The following ATP2B4 variants were observed in gnomAD, a reference collection of about 807,000 sequenced individuals.
ATP2B4 encodes ATPase plasma membrane Ca2+ transporting 4, also known as plasma membrane calcium-transporting ATPase 4.
Under a neutral mutation model 110.3 loss-of-function variants are expected in ATP2B4, and 39 were observed. That is an observed-to-expected ratio of 0.35 (90% CI 0.27 to 0.46). The LOEUF (loss-of-function observed/expected upper bound fraction) is 0.46, where lower values mean the gene tolerates loss of function less well. Among genes scored for constraint, ATP2B4 ranks in the 20% least tolerant of loss-of-function variants. The probability of loss-of-function intolerance (pLI) is 1.00; values close to 1 mark genes in which losing one functional copy is unlikely to be tolerated. For missense variants in ATP2B4, 1,135 were observed against 1,530.9 expected, an observed-to-expected ratio of 0.74 and a Z score of 4.32; for synonymous variants, 538 against 571.7, an observed-to-expected ratio of 0.94 and a Z score of 0.84.
chr1:203,682,313 T>C (rs1028082296), intron 1 of ATP2B4, among the ~76,000 whole-genome samples: 1 of 152,184 alleles, frequency 6.6e-6, no homozygotes, highest in African/African-American at 2.4e-5. Context: ...TCAGATCACT[T>C]AGATCTGAAC....
At chr1:203,669,642 G>T (rs4951337) in intron 1 of ATP2B4, among the ~76,000 whole-genome samples, 26,348 of 151,908 alleles carry the variant, frequency 0.17, 3,169 homozygotes, top group African/African-American at 0.32. Context: ...TCTCCATATT[G>T]GTCAGGCTGG....
chr1:203,724,865 C>CTCTTTTTTTT (rs1214526316), intron 19 of ATP2B4, among the ~76,000 whole-genome samples: 8 of 101,496 alleles, frequency 7.9e-5, no homozygotes, highest in South Asian at 3.5e-4. Flanking sequence ...ATCCAGCTCT[C>CTCTTTTTTTT]TGTTTTTTTT....
intron 3 of ATP2B4, among the ~76,000 whole-genome samples, chr1:203,698,967 G>A (rs1040411321): frequency 6.6e-6 from 1 of 152,192 alleles, no homozygotes; most frequent in African/African-American, 2.4e-5. Flanking sequence ...TAGAGACAAG[G>A]TCTCACTATG....
chr1:203,740,091 T>G lies in ATP2B4; in HGVS notation c.*237T>G. ...CAGTCAAACCCCATTCAGGTCATGG[T>G]AGAATCTACTCCTTGGTAGTCACTT... On this transcript the variant is annotated 3_prime_UTR_variant, in exon 21 of 21. Transcript: ENST00000357681. 1.9e-6 allele frequency: 1 copy of G among 518,260 alleles called. No individual in the cohort carries two copies. Among genetic ancestry groups the G allele is most frequent in the Middle Eastern group, 5.1e-4 (1 of 1,974 alleles). 32.1% of individuals were successfully genotyped at this position (518,260 alleles called of 1,614,324 possible). A position where few individuals can be genotyped will look rare whatever the true frequency, so the allele number is the denominator to read the frequency against.
intron 1 of ATP2B4, among the ~76,000 whole-genome samples, chr1:203,639,328 C>T (rs1294070809): frequency 2.0e-5 from 3 of 152,160 alleles, no homozygotes; most frequent in African/African-American, 7.2e-5. Context: ...GAAGCGAGCA[C>T]AGACCATATG....
intron 2 of ATP2B4, among the ~76,000 whole-genome samples, chr1:203,690,169 T>C (rs961178663): frequency 6.6e-6 from 1 of 152,222 alleles, no homozygotes; most frequent in Non-Finnish European, 1.5e-5. Flanking sequence ...TTAAGATCTC[T>C]GGGGCTTAAC....
intron 20 of ATP2B4, chr1:203,733,427 G>C: frequency 6.3e-7 from 1 of 1,581,936 alleles, no homozygotes; most frequent in Non-Finnish European, 8.6e-7. Flanking sequence ...TATGATGCAT[G>C]ATTTGCTAAA....
At chr1:203,673,192 C>T (rs971306431) in intron 1 of ATP2B4, among the ~76,000 whole-genome samples, 16 of 152,176 alleles carry the variant, frequency 1.1e-4, no homozygotes, top group Non-Finnish European at 2.2e-4. Flanking sequence ...TGTTAAGGAA[C>T]TTGTTAGGAG....
chr1:203,739,684 G>A lies in ATP2B4; in HGVS notation c.3448G>A (p.Glu1150Lys), dbSNP rs1367339287. 1 of 1,614,180 alleles carries A rather than the reference G, an allele frequency of 6.2e-7. No homozygotes were observed. Among genetic ancestry groups the A allele is most frequent in the South Asian group, 1.1e-5 (1 of 91,076 alleles). The change falls in exon 21 of 21, where the codon GAG (glutamate) becomes AAG (lysine). Residue 1150 changes from glutamate to lysine, a missense_variant. By Grantham distance (56) the Glu-to-Lys change is moderately conservative. Transcript: ENST00000357681. The stretch of plus-strand genomic sequence containing the variant: ...GTTGCCACGAACACCACTCCTGGAT[G>A]AGGAAGAGGAGGAAAATCCTGACAA... ...EELPRTPLLDEEEEENPDKAS... is the reference protein window; with the variant it reads ...EELPRTPLLDKEEEENPDKAS...
intron 1 of ATP2B4, among the ~76,000 whole-genome samples, chr1:203,635,508 A>C (rs1254140910): frequency 6.6e-6 from 1 of 152,114 alleles, no homozygotes; most frequent in Non-Finnish European, 1.5e-5. Context: ...TACAAAATAA[A>C]AAATTAGCTG....
intron 1 of ATP2B4, among the ~76,000 whole-genome samples, chr1:203,655,701 A>G (rs1435726841): frequency 1.3e-5 from 2 of 152,122 alleles, no homozygotes; most frequent in Admixed American, 6.5e-5. Context: ...AAAGGAAAAA[A>G]TGCTGTCAAA....
chr1:203,738,232 AT>A (rs2102242697), intron 20 of ATP2B4, among the ~76,000 whole-genome samples: 1 of 151,694 alleles, frequency 6.6e-6, no homozygotes, highest in East Asian at 1.9e-4. Context: ...TCCTACAACC[AT>A]TTACCTTTCC....
At position 203,644,618 on chromosome 1, in the gene ATP2B4, C is replaced by A. The variant is rs967213632; in HGVS notation, c.-465+17399C>A. Among the ~76,000 whole-genome samples the A allele has an allele frequency of 2.6e-4, 39 of 152,176 alleles. 1 individual carries two copies. The highest frequency in any genetic ancestry group is 8.7e-4 in the African/African-American group (36 of 41,436). On this transcript the variant is annotated intron_variant, in intron 1 of 20. Coordinates refer to ENST00000357681, the MANE Select transcript of ATP2B4 (RefSeq NM_001684.5). The stretch of plus-strand genomic sequence containing the variant: ...TTTCAACTCTAACATTCTCTGCTTC[C>A]TCCTACCCAAACAATGCTGCAGATT...
At chr1:203,668,426 G>T (rs1020968670) in intron 1 of ATP2B4, among the ~76,000 whole-genome samples, 1 of 151,922 alleles carries the variant, frequency 6.6e-6, no homozygotes, top group Non-Finnish European at 1.5e-5. Context: ...TTTTTTAGAT[G>T]GCTATAGTTA....
At chr1:203,712,738 C>T (rs528599990) in intron 13 of ATP2B4, among the ~76,000 whole-genome samples, 2 of 152,280 alleles carry the variant, frequency 1.3e-5, no homozygotes, top group South Asian at 2.1e-4. Flanking sequence ...TAGCCCACCC[C>T]TCCTGTGTCC....
intron 1 of ATP2B4, among the ~76,000 whole-genome samples, chr1:203,665,799 C>CAAA (rs11371841): frequency 0.011 from 1,419 of 132,472 alleles, 23 homozygotes; most frequent in Non-Finnish European, 0.014. Context: ...GACTCCATCT[C>CAAA]AAAAAAAAAA....
chr1:203,702,210 C>T (rs1665713812), intron 7 of ATP2B4, 131 bp downstream of exon 7: 1 of 1,203,800 alleles, frequency 8.3e-7, no homozygotes, highest in Middle Eastern at 1.9e-4. Context: ...GATGCCTCAT[C>T]CTGAGGAAGG....
At position 203,724,865 on chromosome 1, in the gene ATP2B4, C is replaced by CTCTTTTTTTTTT. The variant is rs1214526316; in HGVS notation, c.3132+878_3132+879insCTTTTTTTTTTT. On this transcript the variant is annotated intron_variant, in intron 19 of 20. Coordinates refer to ENST00000357681, the MANE Select transcript of ATP2B4 (RefSeq NM_001684.5). ...ACTGCCTGGGTTTGAATCCAGCTCT[C>CTCTTTTTTTTTT]TGTTTTTTTTTTTTTTTTTTTTTTT... Among the ~76,000 whole-genome samples, 8 of 101,454 alleles carry CTCTTTTTTTTTT rather than the reference C, an allele frequency of 7.9e-5. 3 individuals carry two copies. The highest frequency in any genetic ancestry group is 3.5e-4 in the South Asian group (1 of 2,894). The allele number at this position is 101,454 out of a possible 152,430, so 66.6% of individuals were successfully genotyped here. A position where few individuals can be genotyped will look rare whatever the true frequency, so the allele number is the denominator to read the frequency against.
At chr1:203,646,050 A>AT (rs1417159870) in intron 1 of ATP2B4, among the ~76,000 whole-genome samples, 1 of 127,796 alleles carries the variant, frequency 7.8e-6, no homozygotes, top group African/African-American at 2.5e-5. Context: ...CCAGGTGGTT[A>AT]TTTTTTAAGA....
Sources: allele counts gnomAD v4.1 joint callset (sites outside exome capture counted in the v4.1 genomes callset), GRCh38; gene constraint gnomAD v4.1.1; transcripts MANE v1.5; gene names NCBI Gene and HGNC (gene_info 2026-07-23, HGNC 2026-07-21).